Variants in SPO11 observed in about 807,000 individuals in gnomAD.
SPO11 encodes SPO11 initiator of meiotic double strand breaks, also known as meiotic recombination protein SPO11.
In SPO11, 49 loss-of-function variants were observed where a neutral mutation model predicts 51.6. The ratio of observed to expected loss-of-function variants is 0.95; its 90% CI spans 0.75 to 1.20. The LOEUF is 1.20. Among genes scored for constraint, SPO11 ranks in the 50% most tolerant of loss-of-function variants. The probability of loss-of-function intolerance (pLI) is 0.00; values close to 1 mark genes in which losing one functional copy is unlikely to be tolerated. For synonymous variants in SPO11, 176 were observed against 158.2 expected, an observed-to-expected ratio of 1.11 and a Z score of -0.84; for missense variants, 431 against 473.4, an observed-to-expected ratio of 0.91 and a Z score of 0.83.
intron 10 of SPO11, among the ~76,000 whole-genome samples, chr20:57,339,848 C>T (rs976593112): frequency 6.6e-6 from 1 of 152,178 alleles, no homozygotes; most frequent in African/African-American, 2.4e-5. Context: ...AAGCCATCCT[C>T]CCGCCTTGGT....
At position 57,340,023 on chromosome 20, in the gene SPO11, G is replaced by A. The variant is rs368157264; in HGVS notation, c.883-79G>A. 91 of 980,636 alleles carry A rather than the reference G, an allele frequency of 9.3e-5. No homozygotes were observed. In the African/African-American group the frequency reaches 1.3e-3, roughly 14 times the overall value. 60.7% of individuals were successfully genotyped at this position (980,636 alleles called of 1,614,324 possible). On this transcript the variant is annotated intron_variant, in intron 10 of 12. Transcript: ENST00000371263. ...TTAGTACTTGTCCTTCTTAATAAGT[G>A]AAAAATTTGACTGAAAAACAAGAAT...
At chr20:57,336,135 G>A (rs1279428754) in intron 8 of SPO11, among the ~76,000 whole-genome samples, 1 of 151,926 alleles carries the variant, frequency 6.6e-6, no homozygotes, top group Non-Finnish European at 1.5e-5. Flanking sequence ...TGTTGCCCAG[G>A]CCGAAGTACC....
chr20:57,333,650 A>T (rs1568758114), intron 3 of SPO11, 37 bp from the exon 4 acceptor site: 2 of 1,084,866 alleles, frequency 1.8e-6, no homozygotes, highest in Non-Finnish European at 2.8e-6. Flanking sequence ...AGTAAGAGAA[A>T]TGATGAGTAA....
intron 6 of SPO11, 143 bp from the exon 7 acceptor site, chr20:57,335,276 C>A: frequency 1.5e-6 from 1 of 665,642 alleles, no homozygotes; most frequent in Admixed American, 3.2e-5. Context: ...AGGGGTAAAG[C>A]TGTTTTCTAC....
At position 57,342,822 on chromosome 20, in the gene SPO11, A is replaced by G. The variant is rs377361570; in HGVS notation, c.1053A>G (p.Gln351=). 6 of 1,612,096 alleles carry G rather than the reference A, an allele frequency of 3.7e-6. No homozygotes were observed. The African/African-American group carries it at 5.3e-5, about 14-fold the overall frequency. ...SILRRPYVTC[Q]PFWRKEMEIM... is the part of the protein sequence containing the mutation. ...TGAGGAGACCTTATGTTACCTGCCAACCATTTTGGAGAAAAGAAGTATGTT... is the reference window on the plus strand; with the variant it reads ...TGAGGAGACCTTATGTTACCTGCCAGCCATTTTGGAGAAAAGAAGTATGTT... The change falls in exon 12 of 13, where the codon CAA becomes CAG. Residue 351 remains glutamine (Q), a synonymous_variant. Transcript: ENST00000371263.
At chr20:57,340,722 G>A (rs900846008) in intron 11 of SPO11, among the ~76,000 whole-genome samples, 5 of 151,568 alleles carry the variant, frequency 3.3e-5, no homozygotes, top group South Asian at 2.1e-4. Context: ...AGCCACGATC[G>A]CACCACTGCA....
Position 57,335,470 on chromosome 20 carries a change from G to A in SPO11, c.634+15G>A. ...AGGAATTCGGAGTATCCTTTAAGTG[G>A]GAAAACTATTTAAACTTTTGGAATG... On this transcript the variant is annotated intron_variant, in intron 7 of 12. Coordinates refer to ENST00000371263, the MANE Select transcript of SPO11 (RefSeq NM_012444.3). 3 of 1,606,702 alleles carry A rather than the reference G, an allele frequency of 1.9e-6. No homozygotes were observed. Among genetic ancestry groups the A allele is most frequent in the South Asian group, 1.1e-5 (1 of 89,552 alleles).
rs2066597793 is a variant in SPO11, at chr20:57,342,718, C to T, written c.960-11C>T. ...CTTTTTTACTGATTTTTTTCACCTA[C>T]TTTTTTCCAGATTAAATGTACCTAA... On this transcript the variant is annotated splice_polypyrimidine_tract_variant and intron_variant, in intron 11 of 12. Transcript: ENST00000371263. The T allele has an allele frequency of 1.3e-6, 2 of 1,576,700 alleles. No homozygotes were observed. The highest frequency in any genetic ancestry group is 8.7e-7 in the Non-Finnish European group (1 of 1,150,590).
At chr20:57,336,707 A>C (rs1371315152) in intron 8 of SPO11, among the ~76,000 whole-genome samples, 2 of 152,026 alleles carry the variant, frequency 1.3e-5, no homozygotes, top group East Asian at 3.9e-4. Flanking sequence ...AGGTCCTTTA[A>C]CCCTGTTTGA....
Position 57,343,382 on chromosome 20 carries a change from A to G in SPO11, c.1113A>G (p.Gln371=), listed in dbSNP as rs1413864688. ...ACTCTAAAATGAAGGCAGAAATTCA[A>G]GCTTTGACTTTCCTATCATCAGATT... ...MADSKMKAEI[Q]ALTFLSSDYL... Residue 371 remains glutamine (Q), a synonymous_variant, in exon 13 of 13, where the codon CAA becomes CAG. Transcript: ENST00000371263. 17 of 1,610,920 alleles carry G rather than the reference A, an allele frequency of 1.1e-5. 1 individual carries two copies. Among genetic ancestry groups the G allele is most frequent in the Middle Eastern group, 1.6e-4 (1 of 6,076 alleles).
chr20:57,330,315 A>G (rs28368066), intron 1 of SPO11, among the ~76,000 whole-genome samples: 1 of 152,254 alleles, frequency 6.6e-6, no homozygotes, highest in East Asian at 1.9e-4. Flanking sequence ...TTTGGGGTAC[A>G]GTTAGCTTTG....
chr20:57,339,729 G>A (rs1023358704), intron 10 of SPO11, among the ~76,000 whole-genome samples: 1 of 152,208 alleles, frequency 6.6e-6, no homozygotes, highest in Admixed American at 6.5e-5. Context: ...CTATATAGAA[G>A]TTGTGGTTGT....
chr20:57,335,589 G>A, intron 7 of SPO11, 134 bp downstream of exon 7: 1 of 855,056 alleles, frequency 1.2e-6, no homozygotes, highest in Non-Finnish European at 1.8e-6. Context: ...ACACACCATG[G>A]TCCCTTCTTT....
chr20:57,334,508 C>G (rs1040458714), intron 5 of SPO11, among the ~76,000 whole-genome samples: 26 of 152,178 alleles, frequency 1.7e-4, no homozygotes, highest in African/African-American at 6.3e-4. Flanking sequence ...TTGATGCTTG[C>G]ATTTTTCTCA....
intron 1 of SPO11, among the ~76,000 whole-genome samples, chr20:57,331,425 CT>C (rs2066448407): frequency 6.6e-6 from 1 of 152,180 alleles, no homozygotes; most frequent in Non-Finnish European, 1.5e-5. Flanking sequence ...TATTGTATCA[CT>C]TTTTAATTAA....
intron 6 of SPO11, 115 bp from the exon 7 acceptor site, chr20:57,335,304 A>G: frequency 1.2e-6 from 1 of 810,996 alleles, no homozygotes; most frequent in South Asian, 1.9e-5. Context: ...TAACAGAGGA[A>G]GAAGTCTCTG....
chr20:57,338,041 C>T (rs1408639695), intron 8 of SPO11, among the ~76,000 whole-genome samples: 2 of 152,078 alleles, frequency 1.3e-5, no homozygotes, highest in East Asian at 3.9e-4. Context: ...GCGTGTACCA[C>T]CACACCTGGC....
chr20:57,337,750 C>T, intron 8 of SPO11: 1 of 1,308,642 alleles, frequency 7.6e-7, no homozygotes, highest in South Asian at 1.2e-5. Flanking sequence ...CAACACCAGT[C>T]TTTCAGCACC....
Position 57,339,044 on chromosome 20 carries a change from G to T in SPO11, c.882+18G>T. ...GATCTATGGTAAGTATAGAAAAGCA[G>T]TTTTCCTTTTTTATTATTTAGACAT... On this transcript the variant is annotated intron_variant, in intron 10 of 12. Coordinates refer to ENST00000371263, the MANE Select transcript of SPO11 (RefSeq NM_012444.3). 2 of 1,430,504 alleles carry T rather than the reference G, an allele frequency of 1.4e-6. No individual in the cohort carries two copies. The highest frequency in any genetic ancestry group is 1.8e-4 in the Middle Eastern group (1 of 5,474). The allele number at this position is 1,430,504 out of a possible 1,614,324, so 88.6% of individuals were successfully genotyped here.
Sources: allele counts gnomAD v4.1 joint callset (sites outside exome capture counted in the v4.1 genomes callset), GRCh38; gene constraint gnomAD v4.1.1; transcripts MANE v1.5; gene names NCBI Gene and HGNC (gene_info 2026-07-23, HGNC 2026-07-21).